Variants in CTCF observed in about 807,000 individuals in gnomAD.
CTCF encodes the protein transcriptional repressor CTCF.
CTCF carries 7 observed loss-of-function variants against 72.3 expected under a neutral mutation model. The observed-to-expected ratio is 0.10, with a 90% CI of 0.06 to 0.18. CTCF has a LOEUF of 0.18. CTCF is among the 10% of genes least tolerant of loss of function. The pLI is 1.00. For missense variants in CTCF, 516 were observed against 949.1 expected (o/e 0.54, Z 6.00); for synonymous variants, 374 against 315.8 (o/e 1.18, Z -1.95).
intron 10 of CTCF, chr16:67,635,380 G>C (rs528810902): frequency 6.6e-6 from 1 of 151,000 alleles, no homozygotes; most frequent in Non-Finnish European, 1.5e-5. Context: ...TTGCCAGGCT[G>C]GTCTCGAACT....
At chr16:67,571,966 C>G (rs1004916420) in intron 2 of CTCF, among the ~76,000 whole-genome samples, 1 of 152,128 alleles carries the variant, frequency 6.6e-6, no homozygotes, top group Non-Finnish European at 1.5e-5. Flanking sequence ...AAAATTATCT[C>G]TTCTCACGGT....
At chr16:67,601,293 C>CTGTG (rs2051885866) in intron 2 of CTCF, among the ~76,000 whole-genome samples, 1 of 75,532 alleles carries the variant, frequency 1.3e-5, no homozygotes, top group Non-Finnish European at 2.8e-5. Flanking sequence ...CACTCTGTCA[C>CTGTG]CGTGTGTGTG....
intron 2 of CTCF, among the ~76,000 whole-genome samples, chr16:67,603,356 C>T (rs2051923374): frequency 6.6e-6 from 1 of 151,868 alleles, no homozygotes; most frequent in South Asian, 2.1e-4. Context: ...GGTGAAACCC[C>T]GTCCCTACTA....
chr16:67,609,172 G>A (rs539221940), intron 2 of CTCF, among the ~76,000 whole-genome samples: 4 of 152,190 alleles, frequency 2.6e-5, no homozygotes, highest in Non-Finnish European at 4.4e-5. Flanking sequence ...TTCAAGGCCA[G>A]TCTGGAAATG....
At chr16:67,569,152 T>G (rs561050947) in intron 1 of CTCF, among the ~76,000 whole-genome samples, 10 of 148,372 alleles carry the variant, frequency 6.7e-5, no homozygotes, top group Non-Finnish European at 1.3e-4. Flanking sequence ...TTGGAAACAC[T>G]TAGTTCAAAT....
intron 2 of CTCF, among the ~76,000 whole-genome samples, chr16:67,574,423 C>A (rs546914445): frequency 2.7e-4 from 41 of 151,844 alleles, no homozygotes; most frequent in Non-Finnish European, 4.7e-4. Flanking sequence ...CTCACTGCAA[C>A]TTCCCCCTCC....
intron 10 of CTCF, among the ~76,000 whole-genome samples, chr16:67,631,899 C>G (rs1221152250): frequency 6.6e-6 from 1 of 151,342 alleles, no homozygotes; most frequent in Non-Finnish European, 1.5e-5. Flanking sequence ...ATGGCAAAAC[C>G]CTGTTATCTA....
At chr16:67,590,588 C>T (rs994166281) in intron 2 of CTCF, among the ~76,000 whole-genome samples, 3 of 151,862 alleles carry the variant, frequency 2.0e-5, no homozygotes, top group African/African-American at 7.2e-5. Flanking sequence ...CTGCCCACCT[C>T]GGCCTCCCAA....
At chr16:67,576,385 G>T (rs1369207528) in intron 2 of CTCF, among the ~76,000 whole-genome samples, 2 of 151,730 alleles carry the variant, frequency 1.3e-5, no homozygotes, top group Non-Finnish European at 2.9e-5. Flanking sequence ...AGGGTAGTTT[G>T]GTTTGGGGGT....
intron 10 of CTCF, among the ~76,000 whole-genome samples, chr16:67,635,826 A>G (rs771078073): frequency 2.6e-5 from 4 of 151,950 alleles, no homozygotes; most frequent in East Asian, 1.9e-4. Flanking sequence ...AGGTCTCACT[A>G]TGTTACCCAA....
intron 8 of CTCF, chr16:67,627,279 G>A (rs2052302478): frequency 6.6e-6 from 1 of 151,824 alleles, no homozygotes; most frequent in South Asian, 2.1e-4. Flanking sequence ...GATCACTTGA[G>A]GTCAGGAGCT....
At chr16:67,631,961 G>C (rs1323148206) in intron 10 of CTCF, among the ~76,000 whole-genome samples, 3 of 151,652 alleles carry the variant, frequency 2.0e-5, no homozygotes, top group Non-Finnish European at 4.4e-5. Flanking sequence ...TGCGGTCCCA[G>C]CTACCTGGGA....
chr16:67,600,249 AT>A (rs2051869394), intron 2 of CTCF, among the ~76,000 whole-genome samples: 1 of 151,004 alleles, frequency 6.6e-6, no homozygotes, highest in African/African-American at 2.4e-5. Flanking sequence ...TATTTTTTTT[AT>A]TTTTGAGGAA....
chr16:67,613,192 G>C (rs1459200900), intron 4 of CTCF, among the ~76,000 whole-genome samples: 1 of 152,210 alleles, frequency 6.6e-6, no homozygotes, highest in Non-Finnish European at 1.5e-5. Flanking sequence ...TGTTATCCCA[G>C]TGTAGGAAGT....
chr16:67,572,946 C>CG (rs2051443729), intron 2 of CTCF, among the ~76,000 whole-genome samples: 1 of 102,344 alleles, frequency 9.8e-6, no homozygotes, highest in Non-Finnish European at 2.1e-5. Flanking sequence ...TGCCCCCCCC[C>CG]GCCCCCCCCC....
intron 3 of CTCF, 90 bp downstream of exon 3, chr16:67,611,703 G>A (rs367683782): frequency 2.9e-5 from 38 of 1,298,358 alleles, no homozygotes; most frequent in African/African-American, 8.9e-5. Flanking sequence ...TATATTAACC[G>A]TATTTGTAAA....
intron 2 of CTCF, among the ~76,000 whole-genome samples, chr16:67,604,764 T>C (rs980540214): frequency 3.4e-5 from 5 of 148,028 alleles, no homozygotes; most frequent in Non-Finnish European, 7.4e-5. Flanking sequence ...TTTTTTTTTT[T>C]ACTTTTTAAT....
At chr16:67,598,054 A>AT (rs2051837820) in intron 2 of CTCF, among the ~76,000 whole-genome samples, 4 of 151,946 alleles carry the variant, frequency 2.6e-5, no homozygotes, top group Non-Finnish European at 5.9e-5. Flanking sequence ...ACTACTCACT[A>AT]TAGCCTTAAC....
At chr16:67,590,626 C>T (rs2051729480) in intron 2 of CTCF, among the ~76,000 whole-genome samples, 1 of 151,664 alleles carries the variant, frequency 6.6e-6, no homozygotes, top group Admixed American at 6.6e-5. Flanking sequence ...CGTGAGCCAC[C>T]GTGCCCGGCC....
Sources: allele counts gnomAD v4.1 joint callset (sites outside exome capture counted in the v4.1 genomes callset), GRCh38; gene constraint gnomAD v4.1.1; transcripts MANE v1.5; gene names NCBI Gene and HGNC (gene_info 2026-07-23, HGNC 2026-07-21).